Variants in STPG2 observed in about 807,000 individuals in gnomAD.
The protein encoded by STPG2 is sperm tail PG-rich repeat containing 2.
In STPG2, 56 loss-of-function variants were observed where a neutral mutation model predicts 54.2. The observed-to-expected ratio is 1.03, with a 90% CI of 0.83 to 1.29. The LOEUF (loss-of-function observed/expected upper bound fraction) is 1.29. Among genes scored for constraint, STPG2 ranks in the 50% most tolerant of loss-of-function variants. The pLI, the probability that STPG2 is intolerant of heterozygous loss-of-function variation, is 0.00. For synonymous variants in STPG2, 200 were observed against 181.8 expected, an observed-to-expected ratio of 1.10 and a Z score of -0.81; for missense variants, 596 against 544.9, an observed-to-expected ratio of 1.09 and a Z score of -0.93.
rs143165442 is a variant in STPG2, at chr4:97,720,960, G to A, written c.1205-8146C>T. On this transcript the variant is annotated intron_variant, in intron 9 of 10. Coordinates refer to ENST00000295268, the MANE Select transcript of STPG2 (RefSeq NM_174952.3). The stretch of plus-strand genomic sequence containing the variant: ...TCTCTGTGGTAGAATGCAATGTGAC[G>A]TCTTCCCTAAGAGACAATCTTCTCC... Among the ~76,000 whole-genome samples the A allele has an allele frequency of 5.2e-3, 791 of 151,980 alleles. 10 individuals carry two copies. Among genetic ancestry groups the A allele is most frequent in the African/African-American group, 0.018 (736 of 41,496 alleles).
intron 9 of STPG2, among the ~76,000 whole-genome samples, chr4:97,716,671 G>A (rs532421165): frequency 6.6e-6 from 1 of 151,518 alleles, no homozygotes; most frequent in South Asian, 2.1e-4. Context: ...GACACAGGGA[G>A]GGGAACATCA....
At chr4:97,561,011 C>G (rs1164295079) in intron 10 of STPG2, among the ~76,000 whole-genome samples, 2 of 152,136 alleles carry the variant, frequency 1.3e-5, no homozygotes. Context: ...TTCTAGATCC[C>G]TGAGGAGTCG....
intron 7 of STPG2, among the ~76,000 whole-genome samples, chr4:97,969,676 C>T (rs1734252056): frequency 6.6e-6 from 1 of 152,152 alleles, no homozygotes; most frequent in South Asian, 2.1e-4. Context: ...ATAATAAAAG[C>T]TATCTATGAC....
At chr4:97,922,758 A>G (rs1191651856) in intron 8 of STPG2, among the ~76,000 whole-genome samples, 1 of 152,180 alleles carries the variant, frequency 6.6e-6, no homozygotes. Context: ...TCCCCTTTTC[A>G]ATAGGCTTCT....
chr4:97,729,490 G>A lies in STPG2; in HGVS notation c.1205-16676C>T, dbSNP rs78466172. On this transcript the variant is annotated intron_variant, in intron 9 of 10. Coordinates refer to ENST00000295268, the MANE Select transcript of STPG2 (RefSeq NM_174952.3). ...TTGGAATCAGATTAATTTTGTCAAC[G>A]GTTATCAAAATAGAAATATATTAGA... Among the ~76,000 whole-genome samples, 490 of 152,150 alleles carry A rather than the reference G, an allele frequency of 3.2e-3. 1 individual carries two copies. The highest frequency in any genetic ancestry group is 9.4e-3 in the Admixed American group (143 of 15,262).
chr4:97,789,896 T>A (rs1364323181), intron 9 of STPG2, among the ~76,000 whole-genome samples: 1 of 152,164 alleles, frequency 6.6e-6, no homozygotes, highest in African/African-American at 2.4e-5. Context: ...CAAATTTTCT[T>A]TCTTTTTAGT....
intron 9 of STPG2, among the ~76,000 whole-genome samples, chr4:97,781,795 C>A (rs575942016): frequency 6.6e-6 from 1 of 152,048 alleles, no homozygotes; most frequent in African/African-American, 2.4e-5. Context: ...AATCAATAAA[C>A]GTAATCCAGC....
intron 5 of STPG2, among the ~76,000 whole-genome samples, chr4:98,019,554 A>G (rs1397283538): frequency 6.6e-6 from 1 of 151,890 alleles, no homozygotes; most frequent in Non-Finnish European, 1.5e-5. Context: ...TTCTGTGAAG[A>G]AAGGCATTGG....
At chr4:97,969,171 T>C (rs1357646155) in intron 7 of STPG2, among the ~76,000 whole-genome samples, 1 of 152,218 alleles carries the variant, frequency 6.6e-6, no homozygotes, top group Non-Finnish European at 1.5e-5. Context: ...CCTGTATCTA[T>C]GGATTGTTTG....
chr4:97,608,170 A>T (rs1733642281), intron 10 of STPG2, among the ~76,000 whole-genome samples: 1 of 152,026 alleles, frequency 6.6e-6, no homozygotes, highest in Non-Finnish European at 1.5e-5. Context: ...TTTTGGGATT[A>T]TAAATGGGAC....
rs115106142 is a variant in STPG2, at chr4:97,828,488, C to T, written c.1204+12285G>A. On this transcript the variant is annotated intron_variant, in intron 9 of 10. Coordinates refer to ENST00000295268, the MANE Select transcript of STPG2 (RefSeq NM_174952.3). The stretch of plus-strand genomic sequence containing the variant: ...GGTTGGGCAGACACCAAGCTAGCTG[C>T]GGGAGATTTTTTTTTTTCCATATCC... Among the ~76,000 whole-genome samples the T allele has an allele frequency of 4.1e-3, 629 of 152,052 alleles. 1 individual carries two copies. Among genetic ancestry groups the T allele is most frequent in the African/African-American group, 0.013 (543 of 41,492 alleles).
At chr4:97,772,305 G>GT (rs1339096372) in intron 9 of STPG2, among the ~76,000 whole-genome samples, 31 of 152,184 alleles carry the variant, frequency 2.0e-4, no homozygotes, top group African/African-American at 7.2e-4. Flanking sequence ...TGTTGAAATC[G>GT]TATCAATCAA....
At chr4:97,667,522 A>C (rs1393725370) in intron 10 of STPG2, among the ~76,000 whole-genome samples, 1 of 152,130 alleles carries the variant, frequency 6.6e-6, no homozygotes, top group Non-Finnish European at 1.5e-5. Context: ...AAAGCTATGG[A>C]TTTACTTTCC....
intron 5 of STPG2, among the ~76,000 whole-genome samples, chr4:98,081,240 G>C (rs962254848): frequency 2.0e-5 from 3 of 152,192 alleles, no homozygotes; most frequent in African/African-American, 4.8e-5. Context: ...CTACGATATT[G>C]ATTTATCTGT....
chr4:98,113,013 GA>G lies in STPG2; in HGVS notation c.388-3709del, dbSNP rs3047514. On this transcript the variant is annotated intron_variant, in intron 3 of 10. Coordinates refer to ENST00000295268, the MANE Select transcript of STPG2 (RefSeq NM_174952.3). ...ATCCTTTTGAGTGTGAAGAAACTAT[GA>G]AAAAAAAAAAAAACTAAAACAACTG... 3.5e-3 allele frequency among the ~76,000 whole-genome samples: 431 copies of G among 121,966 alleles called. 2 individuals are homozygous for G. Among genetic ancestry groups the G allele is most frequent in the East Asian group, 8.6e-3 (33 of 3,828 alleles). 80.0% of individuals were successfully genotyped at this position (121,966 alleles called of 152,430 possible).
At chr4:98,096,952 A>G (rs755225981) in intron 5 of STPG2, among the ~76,000 whole-genome samples, 100 of 152,156 alleles carry the variant, frequency 6.6e-4, no homozygotes, top group Non-Finnish European at 1.2e-3. Flanking sequence ...CCTGAACAGA[A>G]CAAGTAATAA....
At chr4:97,820,495 C>A (rs1190351947) in intron 9 of STPG2, among the ~76,000 whole-genome samples, 1 of 152,054 alleles carries the variant, frequency 6.6e-6, no homozygotes, top group Admixed American at 6.6e-5. Context: ...CAAACAGTTA[C>A]CCAAGTGTAA....
chr4:97,977,903 C>T (rs1455737927), intron 6 of STPG2, among the ~76,000 whole-genome samples: 1 of 152,026 alleles, frequency 6.6e-6, no homozygotes, highest in Non-Finnish European at 1.5e-5. Flanking sequence ...TGAAAGACAG[C>T]GGGGAAAACG....
At chr4:97,911,792 A>G (rs1217931225) in intron 8 of STPG2, among the ~76,000 whole-genome samples, 1 of 152,144 alleles carries the variant, frequency 6.6e-6, no homozygotes, top group Non-Finnish European at 1.5e-5. Context: ...GGCGGTCTGC[A>G]GGAGAAGGGT....
Sources: gnomAD v4.1 joint callset for allele counts (sites outside exome capture counted in the v4.1 genomes callset) on GRCh38, gnomAD v4.1.1 for gene constraint, MANE v1.5 for transcripts, NCBI Gene and HGNC (gene_info 2026-07-23, HGNC 2026-07-21) for gene names.